Variants in ARHGEF40 observed in about 807,000 individuals in gnomAD.
The protein encoded by ARHGEF40 is Rho guanine nucleotide exchange factor (GEF) 40.
In ARHGEF40, 98 loss-of-function variants were observed where a neutral mutation model predicts 165.9. The ratio of observed to expected loss-of-function variants is 0.59; its 90% CI spans 0.50 to 0.70. The LOEUF (loss-of-function observed/expected upper bound fraction) is 0.70. Among genes scored for constraint, ARHGEF40 ranks in the 30% least tolerant of loss-of-function variants. The probability of loss-of-function intolerance (pLI) is 0.00; values close to 1 mark genes in which losing one functional copy is unlikely to be tolerated. For missense variants in ARHGEF40, 1,815 were observed against 1,968.0 expected, an observed-to-expected ratio of 0.92 and a Z score of 1.47; for synonymous variants, 792 against 814.3, an observed-to-expected ratio of 0.97 and a Z score of 0.47.
At chr14:21,078,764 C>G in intron 10 of ARHGEF40, 120 bp from the exon 11 acceptor site, 1 of 1,416,632 alleles carries the variant, frequency 7.1e-7, no homozygotes, top group Non-Finnish European at 9.6e-7. Flanking sequence ...GGGTTCAGCC[C>G]ATGCTTTTGA....
rs770386719 is a variant in ARHGEF40 at position 21,081,915 on chromosome 14, A to G, written c.3047A>G (p.Tyr1016Cys). The G allele has an allele frequency of 1.2e-6, 2 of 1,613,224 alleles. No individual in the cohort carries two copies. The highest frequency in any genetic ancestry group is 8.5e-7 in the Non-Finnish European group (1 of 1,179,790). The change falls in exon 14 of 24, where the codon TAT becomes TGT. Residue 1016 changes from tyrosine (Y) to cysteine (C), a missense_variant. Tyr to Cys is a radical substitution (Grantham distance 194, BLOSUM62 -2). Coordinates refer to ENST00000298694, the MANE Select transcript of ARHGEF40 (RefSeq NM_018071.5). ...HCSLAPCGEDYEEEGPELAPE... is the reference protein window; with the variant it reads ...HCSLAPCGEDCEEEGPELAPE... Reference sequence around the variant, plus strand: ...TCCCTGGCCCCATGTGGAGAGGACTATGAGGAAGAGGGCCCTGAGCTGGCT... The same window carrying G: ...TCCCTGGCCCCATGTGGAGAGGACTGTGAGGAAGAGGGCCCTGAGCTGGCT...
the ARHGEF40 span, among the ~76,000 whole-genome samples, chr14:21,061,578 T>C: frequency 6.6e-6 from 1 of 151,642 alleles, no homozygotes; most frequent in Non-Finnish European, 1.5e-5. Context: ...GGGTGTGTTC[T>C]CTGGGCCCCT....
At chr14:21,088,910 G>A (rs2139279879) in intron 23 of ARHGEF40, 34 bp downstream of exon 23, 1 of 1,606,388 alleles carries the variant, frequency 6.2e-7, no homozygotes, top group Non-Finnish European at 8.5e-7. Context: ...ACCACATCCA[G>A]CACTCCTACC....
Position 21,081,513 on chromosome 14 carries a change from A to T in ARHGEF40, c.2645A>T (p.His882Leu). The T allele has an allele frequency of 1.2e-6, 2 of 1,612,988 alleles. No homozygotes were observed. The highest frequency in any genetic ancestry group is 1.7e-6 in the Non-Finnish European group (2 of 1,179,904). The change falls in exon 14 of 24, where the codon CAT becomes CTT. Residue 882 changes from histidine to leucine, a missense_variant. By Grantham distance (99) the His-to-Leu change is moderately conservative. Coordinates refer to ENST00000298694, the MANE Select transcript of ARHGEF40 (RefSeq NM_018071.5). ...LRLQRFFQQA[H>L]EWVDEGFARL... ...CCAACCCCTTTGACTTCGTAGGCAC[A>T]TGAATGGGTGGATGAGGGCTTTGCT...
intron 10 of ARHGEF40, 128 bp from the exon 11 acceptor site, chr14:21,078,756 G>A (rs939153972): frequency 7.3e-7 from 1 of 1,373,480 alleles, no homozygotes; most frequent in East Asian, 2.4e-5. Context: ...AGCAGTCAGG[G>A]TTCAGCCCAT....
intron 21 of ARHGEF40, 154 bp from the exon 22 acceptor site, chr14:21,087,814 C>A: frequency 9.9e-7 from 1 of 1,009,278 alleles, no homozygotes; most frequent in East Asian, 2.4e-5. Flanking sequence ...AATTTCCTGC[C>A]TCTTGGTAGG....
chr14:21,071,712 G>A (rs552193786), intron 1 of ARHGEF40, among the ~76,000 whole-genome samples: 2 of 152,210 alleles, frequency 1.3e-5, no homozygotes, highest in African/African-American at 2.4e-5. Context: ...TCAAGCCCTA[G>A]CTCCGCACTC....
chr14:21,084,132 C>T, intron 17 of ARHGEF40, 82 bp downstream of exon 17: 1 of 1,412,570 alleles, frequency 7.1e-7, no homozygotes, highest in South Asian at 1.4e-5. Flanking sequence ...ACAGGAGAAC[C>T]AGGCTCCAGG....
At position 21,073,863 on chromosome 14, in the gene ARHGEF40, T is replaced by C. The variant is rs1594550826; in HGVS notation, c.202-69T>C. On this transcript the variant is annotated intron_variant, in intron 2 of 23. Transcript: ENST00000298694. This position sits in a 1 kb window ranked among gnomAD's most constrained non-coding sequence, Gnocchi z 4.6. Reference sequence around the variant, plus strand: ...GCTGGTCCTGCCTAGGGTGGGCCCATTCTAACTGCCCTCTCCTGCTGGTTT... The same window carrying C: ...GCTGGTCCTGCCTAGGGTGGGCCCACTCTAACTGCCCTCTCCTGCTGGTTT... The C allele has an allele frequency of 6.5e-7, 1 of 1,528,854 alleles. No individual in the cohort carries two copies. The highest frequency in any genetic ancestry group is 8.8e-7 in the Non-Finnish European group (1 of 1,139,222). The allele number at this position is 1,528,854 out of a possible 1,614,324, so 94.7% of individuals were successfully genotyped here.
chr14:21,081,043 G>GC (rs535597382), intron 13 of ARHGEF40, 27 bp downstream of exon 13: 110 of 1,596,176 alleles, frequency 6.9e-5, no homozygotes, highest in South Asian at 3.9e-4. Context: ...TTCCTTCTGT[G>GC]CCCCCCCATT....
In ARHGEF40 at chr14:21,089,765, T is replaced by C. The variant is rs1888672143; in HGVS notation, c.*757T>C. The C allele has an allele frequency of 6.5e-6, 1 of 152,746 alleles. No individual in the cohort carries two copies. The highest frequency in any genetic ancestry group is 6.5e-5 in the Admixed American group (1 of 15,326). 9.5% of individuals were successfully genotyped at this position (152,746 alleles called of 1,614,324 possible). On this transcript the variant is annotated 3_prime_UTR_variant, in exon 24 of 24. Coordinates refer to ENST00000298694, the MANE Select transcript of ARHGEF40 (RefSeq NM_018071.5). Reference sequence around the variant, plus strand: ...AGAGGTTCCACACACTCTCTGAAGCTCCTTCTCCCACACTGCACCTACTCC... The same window carrying C: ...AGAGGTTCCACACACTCTCTGAAGCCCCTTCTCCCACACTGCACCTACTCC...
chr14:21,088,168 C>A, intron 22 of ARHGEF40, 70 bp downstream of exon 22: 1 of 1,519,784 alleles, frequency 6.6e-7, no homozygotes, highest in African/African-American at 1.4e-5. Context: ...CTTTTCTGAT[C>A]ATTCAACCCC....
At position 21,087,371 on chromosome 14, in the gene ARHGEF40, C is replaced by T. The variant is rs888202384; in HGVS notation, c.4295C>T (p.Pro1432Leu). The T allele has an allele frequency of 1.4e-5, 22 of 1,604,952 alleles. No homozygotes were observed. The highest frequency in any genetic ancestry group is 1.8e-5 in the Non-Finnish European group (21 of 1,179,844). The change falls in exon 21 of 24, where the codon CCC (proline) becomes CTC (leucine). Residue 1432 changes from proline (P) to leucine (L), a missense_variant. Transcript: ENST00000298694. ...VAVSSFEHAG[P>L]SLPGLSPGAC... ...GTGTCATCCTTTGAGCATGCCGGCCCCTCCCTTCCCGGCCTTTCGCCGGGA... is the reference window on the plus strand; with the variant it reads ...GTGTCATCCTTTGAGCATGCCGGCCTCTCCCTTCCCGGCCTTTCGCCGGGA...
In ARHGEF40 at chr14:21,076,860, C is replaced by T; in HGVS notation, c.2004C>T (p.Pro668=). 6.2e-7 allele frequency: 1 copy of T among 1,613,580 alleles called. No individual in the cohort carries two copies. The highest frequency in any genetic ancestry group is 1.1e-5 in the South Asian group (1 of 91,020). Residue 668 remains proline, a synonymous_variant, in exon 8 of 24, where the codon CCC becomes CCT. Transcript: ENST00000298694. ...LQWELGGHRD[P]SPSHWVEIHQ... ...GGGAGTTAGGAGGTCACAGGGACCC[C>T]TCTCCCAGTCACTGGGTAGAGATAC...
chr14:21,075,685 C>G lies in ARHGEF40; in HGVS notation c.1659C>G (p.Thr553=). 6.2e-7 allele frequency: 1 copy of G among 1,613,882 alleles called. No individual in the cohort carries two copies. Among genetic ancestry groups the G allele is most frequent in the Non-Finnish European group, 8.5e-7 (1 of 1,179,998 alleles). The change falls in exon 5 of 24, where the codon ACC becomes ACG. Residue 553 remains threonine, a synonymous_variant. Transcript: ENST00000298694. The surrounding 1 kb of genome is among the most constrained non-coding windows in gnomAD (Gnocchi z 4.5). ...GTGGGCGAGCTCTGCTGACCATTAC[C>G]CCACCGTGCCCTCCTGAGGAGCCCC... The part of the protein sequence containing the change: ...DQSGRALLTI[T]PPCPPEEPPP...
chr14:21,078,752 C>A, intron 10 of ARHGEF40, 132 bp from the exon 11 acceptor site: 1 of 1,330,680 alleles, frequency 7.5e-7, no homozygotes, highest in Non-Finnish European at 1.0e-6. Context: ...CCAAAGCAGT[C>A]AGGGTTCAGC....
Position 21,070,363 on chromosome 14 carries a change from C to G in ARHGEF40, c.-34C>G. 2 of 1,407,410 alleles carry G rather than the reference C, an allele frequency of 1.4e-6. No homozygotes were observed. The highest frequency in any genetic ancestry group is 3.2e-5 in the Admixed American group (1 of 30,996). 87.2% of individuals were successfully genotyped at this position (1,407,410 alleles called of 1,614,324 possible). A position where few individuals can be genotyped will look rare whatever the true frequency, so the allele number is the denominator to read the frequency against. On this transcript the variant is annotated 5_prime_UTR_variant, in exon 1 of 24. Coordinates refer to ENST00000298694, the MANE Select transcript of ARHGEF40 (RefSeq NM_018071.5). This position sits in a 1 kb window ranked among gnomAD's most constrained non-coding sequence, Gnocchi z 4.7. Reference sequence around the variant, plus strand: ...GGTGGCGCGCCCGGCCCCGCCCGCCCGACCAAGCGTCGGACGCGGCCCGGC... The same window carrying G: ...GGTGGCGCGCCCGGCCCCGCCCGCCGGACCAAGCGTCGGACGCGGCCCGGC...
upstream of ARHGEF40, among the ~76,000 whole-genome samples, chr14:21,068,070 G>A (rs1314926189): frequency 8.1e-5 from 1 of 12,330 alleles, no homozygotes; most frequent in Non-Finnish European, 3.5e-4. Context: ...CGCGATCTCG[G>A]CTCACTGCAA....
At position 21,076,736 on chromosome 14, in the gene ARHGEF40, G is replaced by C. The variant is rs1265049106; in HGVS notation, c.1918-38G>C. 8 of 1,611,448 alleles carry C rather than the reference G, an allele frequency of 5.0e-6. No homozygotes were observed. The African/African-American group carries it at 6.7e-5, about 13-fold the overall frequency. ...CCCCAGGCTGGTTTCTGAGTCCTTG[G>C]GTGCCCAGGAAGAAACCCCCTGCCT... On this transcript the variant is annotated intron_variant, in intron 7 of 23. Coordinates refer to ENST00000298694, the MANE Select transcript of ARHGEF40 (RefSeq NM_018071.5).
Sources: allele counts gnomAD v4.1 joint callset (sites outside exome capture counted in the v4.1 genomes callset), GRCh38; gene constraint gnomAD v4.1.1; non-coding constraint Gnocchi (gnomAD v3.1); transcripts MANE v1.5; gene names NCBI Gene and HGNC (gene_info 2026-07-23, HGNC 2026-07-21).